Variants in CDH4 observed in about 807,000 individuals in gnomAD.
CDH4 encodes the protein cadherin 4, also known as cadherin-4.
CDH4 carries 33 observed loss-of-function variants against 86.0 expected under a neutral mutation model. That is an observed-to-expected ratio of 0.38 (90% CI 0.29 to 0.51). The LOEUF (loss-of-function observed/expected upper bound fraction) is 0.51. CDH4 is among the 20% of genes least tolerant of loss of function. The pLI is 0.86. For synonymous variants in CDH4, 555 were observed against 549.4 expected (o/e 1.01, Z -0.14); for missense variants, 1,114 against 1,307.4 (o/e 0.85, Z 2.28).
Position 61,406,138 on chromosome 20 carries a change from G to A in CDH4, c.169+151201G>A, listed in dbSNP as rs146710262. ...CTTGGCTTGCAAGGTTACAATCTCT[G>A]TCGGGATTTTTCAGGATCCCGAAAG... On this transcript the variant is annotated intron_variant, in intron 2 of 15. Transcript: ENST00000614565. Among the ~76,000 whole-genome samples, 1,064 of 152,286 alleles carry A rather than the reference G, an allele frequency of 7.0e-3. 8 individuals carry two copies. Among genetic ancestry groups the A allele is most frequent in the Non-Finnish European group, 0.011 (760 of 68,024 alleles).
At chr20:61,322,459 A>G (rs1462945746) in intron 2 of CDH4, among the ~76,000 whole-genome samples, 1 of 152,140 alleles carries the variant, frequency 6.6e-6, no homozygotes, top group Non-Finnish European at 1.5e-5. Flanking sequence ...CCAGACTGGC[A>G]TGAAGGGAGA....
intron 2 of CDH4, among the ~76,000 whole-genome samples, chr20:61,651,512 C>A (rs1444062681): frequency 6.6e-6 from 1 of 152,162 alleles, no homozygotes; most frequent in Non-Finnish European, 1.5e-5. Context: ...TGCGGTCAGC[C>A]CCCGCCTGGA....
chr20:61,341,732 G>A (rs2084650311), intron 2 of CDH4, among the ~76,000 whole-genome samples: 1 of 152,100 alleles, frequency 6.6e-6, no homozygotes, highest in Admixed American at 6.5e-5. Context: ...ATTGGCAGAA[G>A]GTCTCATGAG....
At chr20:61,338,273 T>G (rs1342720852) in intron 2 of CDH4, among the ~76,000 whole-genome samples, 1 of 151,750 alleles carries the variant, frequency 6.6e-6, no homozygotes, top group Non-Finnish European at 1.5e-5. Flanking sequence ...ACTTGGGAGA[T>G]TGGGAAAAAA....
intron 2 of CDH4, chr20:61,740,721 G>A (rs2088322480): frequency 6.6e-6 from 1 of 152,284 alleles, no homozygotes; most frequent in Non-Finnish European, 1.5e-5. Context: ...TTTTCCTCCT[G>A]ATTCTCCACG....
intron 2 of CDH4, among the ~76,000 whole-genome samples, chr20:61,692,841 G>GTTT (rs10632243): frequency 2.6e-4 from 38 of 144,074 alleles, no homozygotes; most frequent in African/African-American, 8.6e-4. Context: ...TTTGTTTTTT[G>GTTT]TTTTTTTTTT....
At chr20:61,584,963 C>A (rs749033614) in intron 2 of CDH4, among the ~76,000 whole-genome samples, 16 of 152,208 alleles carry the variant, frequency 1.1e-4, no homozygotes, top group Non-Finnish European at 2.1e-4. Flanking sequence ...GGAAAGCCAT[C>A]GCCGATGTGA....
chr20:61,342,018 G>T (rs971613017), intron 2 of CDH4, among the ~76,000 whole-genome samples: 1 of 152,194 alleles, frequency 6.6e-6, no homozygotes, highest in African/African-American at 2.4e-5. Flanking sequence ...AGGCCATAGT[G>T]GGTGAGGCTG....
At chr20:61,715,907 T>A (rs571170871) in intron 2 of CDH4, among the ~76,000 whole-genome samples, 3 of 152,262 alleles carry the variant, frequency 2.0e-5, no homozygotes, top group African/African-American at 7.2e-5. Context: ...GCCCCTGCGA[T>A]TGGGTGGCCC....
At chr20:61,682,237 G>A (rs2087523061) in intron 2 of CDH4, among the ~76,000 whole-genome samples, 1 of 151,902 alleles carries the variant, frequency 6.6e-6, no homozygotes, top group Non-Finnish European at 1.5e-5. Flanking sequence ...TGGATGGATG[G>A]TTGGACAAGT....
At position 61,567,929 on chromosome 20, in the gene CDH4, C is replaced by T. The variant is rs189115692; in HGVS notation, c.170-175634C>T. ...TCAAGGCTACAGTGAGCTATGATTG[C>T]ACCACTGTACTCCAGCCTGGATGAC... is the stretch of plus-strand genomic sequence containing the variant. On this transcript the variant is annotated intron_variant, in intron 2 of 15. Coordinates refer to ENST00000614565, the MANE Select transcript of CDH4 (RefSeq NM_001794.5). 2.0e-3 allele frequency among the ~76,000 whole-genome samples: 305 copies of T among 152,126 alleles called. 17 individuals are homozygous for T. The South Asian group carries it at 0.059, about 29-fold the overall frequency.
At chr20:61,893,167 GTGGT>G (rs1158542986) in intron 7 of CDH4, among the ~76,000 whole-genome samples, 5 of 100,576 alleles carry the variant, frequency 5.0e-5, no homozygotes, top group African/African-American at 1.9e-4. Context: ...TAGAGGGATG[GTGGT>G]TGGGTGGGTG....
At chr20:61,343,189 G>T (rs2084658159) in intron 2 of CDH4, among the ~76,000 whole-genome samples, 1 of 152,182 alleles carries the variant, frequency 6.6e-6, no homozygotes, top group Non-Finnish European at 1.5e-5. Flanking sequence ...TCCCCCTTTT[G>T]GAATATGTTC....
intron 2 of CDH4, among the ~76,000 whole-genome samples, chr20:61,288,821 C>T (rs571331979): frequency 1.8e-3 from 271 of 152,028 alleles, no homozygotes; most frequent in Middle Eastern, 3.4e-3. Flanking sequence ...GCAGGTTTGG[C>T]TTTTATCTGT....
intron 2 of CDH4, among the ~76,000 whole-genome samples, chr20:61,477,969 A>G (rs117220990): frequency 1.3e-5 from 2 of 152,324 alleles, no homozygotes; most frequent in Non-Finnish European, 2.9e-5. Context: ...TGTGGAAAGT[A>G]AGACACCAAC....
intron 2 of CDH4, among the ~76,000 whole-genome samples, chr20:61,485,474 C>T (rs1221244888): frequency 6.6e-6 from 1 of 152,158 alleles, no homozygotes; most frequent in Non-Finnish European, 1.5e-5. Flanking sequence ...GTGTTGGGTC[C>T]CGGAGATGCA....
intron 2 of CDH4, among the ~76,000 whole-genome samples, chr20:61,468,666 C>G (rs1429675145): frequency 1.3e-5 from 2 of 152,062 alleles, no homozygotes; most frequent in Admixed American, 6.5e-5. Context: ...TTTTTGTACC[C>G]ATTAACCATC....
intron 2 of CDH4, among the ~76,000 whole-genome samples, chr20:61,425,830 G>A (rs1223344533): frequency 6.6e-6 from 1 of 151,316 alleles, no homozygotes; most frequent in Non-Finnish European, 1.5e-5. Context: ...AGGGCAGGAT[G>A]GCCAATTGCA....
At position 61,916,395 on chromosome 20, in the gene CDH4, T is replaced by C. The variant is rs573867008; in HGVS notation, c.1374+5788T>C. 2.0e-4 allele frequency among the ~76,000 whole-genome samples: 31 copies of C among 152,384 alleles called. No individual in the cohort carries two copies. The East Asian group carries it at 5.8e-3, about 28-fold the overall frequency. ...CTCAAACATAAAATGATGCAAATTGTGGGGCCTATGCCCAGAGGCTTATGA... is the reference window on the plus strand; with the variant it reads ...CTCAAACATAAAATGATGCAAATTGCGGGGCCTATGCCCAGAGGCTTATGA... On this transcript the variant is annotated intron_variant, in intron 9 of 15. Transcript: ENST00000614565.
Sources: gnomAD v4.1 joint callset for allele counts (sites outside exome capture counted in the v4.1 genomes callset) on GRCh38, gnomAD v4.1.1 for gene constraint, MANE v1.5 for transcripts, NCBI Gene and HGNC (gene_info 2026-07-23, HGNC 2026-07-21) for gene names.